The following PTPRZ1 variants were observed in gnomAD, a reference collection of about 807,000 sequenced individuals.
The protein encoded by PTPRZ1 is protein tyrosine phosphatase receptor type Z1, also known as receptor-type tyrosine-protein phosphatase zeta.
In PTPRZ1, 82 loss-of-function variants were observed where a neutral mutation model predicts 214.1. That is an observed-to-expected ratio of 0.38 (90% CI 0.32 to 0.46). PTPRZ1 has a LOEUF of 0.46. PTPRZ1 is among the 20% of genes least tolerant of loss of function. The pLI is 1.00. For missense variants in PTPRZ1, 2,603 were observed against 2,748.7 expected (o/e 0.95, Z 1.19); for synonymous variants, 945 against 987.9 (o/e 0.96, Z 0.81).
intron 3 of PTPRZ1, among the ~76,000 whole-genome samples, chr7:121,971,837 T>G (rs1797260389): frequency 6.6e-6 from 1 of 152,318 alleles, no homozygotes; most frequent in Non-Finnish European, 1.5e-5. Context: ...ACAGAGACTA[T>G]TTAAACTTTA....
intron 10 of PTPRZ1, among the ~76,000 whole-genome samples, chr7:121,999,186 G>A (rs1417539113): frequency 1.3e-5 from 2 of 152,060 alleles, no homozygotes; most frequent in Non-Finnish European, 2.9e-5. Flanking sequence ...CTACCATGAT[G>A]GCAATATCAT....
intron 1 of PTPRZ1, among the ~76,000 whole-genome samples, chr7:121,882,049 T>C (rs918590601): frequency 1.3e-5 from 2 of 152,222 alleles, no homozygotes; most frequent in African/African-American, 4.8e-5. Flanking sequence ...GGCTATTTCT[T>C]TTTACTGTAT....
intron 10 of PTPRZ1, among the ~76,000 whole-genome samples, chr7:122,000,930 C>A (rs1798305064): frequency 6.6e-6 from 1 of 151,614 alleles, no homozygotes; most frequent in African/African-American, 2.4e-5. Context: ...GTGATCCACC[C>A]ACCTCAGCCT....
chr7:122,018,870 C>T (rs1196226223), intron 12 of PTPRZ1, among the ~76,000 whole-genome samples: 1 of 152,072 alleles, frequency 6.6e-6, no homozygotes, highest in African/African-American at 2.4e-5. Context: ...ATTATGCTTA[C>T]CTGTTGCCAA....
At chr7:121,980,851 A>G (rs949362605) in intron 6 of PTPRZ1, among the ~76,000 whole-genome samples, 7 of 152,262 alleles carry the variant, frequency 4.6e-5, no homozygotes, top group Non-Finnish European at 1.0e-4. Flanking sequence ...AGTGTGGTTA[A>G]GAAAGACTAG....
At chr7:121,946,898 CTG>C (rs1319262259) in intron 2 of PTPRZ1, among the ~76,000 whole-genome samples, 1 of 152,154 alleles carries the variant, frequency 6.6e-6, no homozygotes, top group Non-Finnish European at 1.5e-5. Context: ...TATAAAATAA[CTG>C]TAGTCTTCAA....
intron 8 of PTPRZ1, among the ~76,000 whole-genome samples, chr7:121,985,097 A>G (rs974312273): frequency 1.3e-5 from 2 of 152,202 alleles, no homozygotes; most frequent in Non-Finnish European, 1.5e-5. Flanking sequence ...GATATTTCCA[A>G]GAATCGTTTA....
rs141052515 is a variant in PTPRZ1 at position 122,001,831 on chromosome 7, G to A, written c.1241-2783G>A. Among the ~76,000 whole-genome samples, 1,088 of 152,184 alleles carry A rather than the reference G, an allele frequency of 7.1e-3. 16 individuals carry two copies. Among genetic ancestry groups the A allele is most frequent in the African/African-American group, 0.025 (1,022 of 41,520 alleles). On this transcript the variant is annotated intron_variant, in intron 10 of 29. Transcript: ENST00000393386. The stretch of plus-strand genomic sequence containing the variant: ...TATTACAAAAATGTGAATTCTAAGT[G>A]TTCACTCAAAACAAAAAATACTGAT...
intron 1 of PTPRZ1, chr7:121,908,359 CTTTG>C: frequency 4.3e-6 from 1 of 230,654 alleles, no homozygotes; most frequent in Non-Finnish European, 8.7e-6. Flanking sequence ...AGATCAATCC[CTTTG>C]GAAAAGAATA....
At chr7:122,018,587 TA>T (rs1344545666) in intron 12 of PTPRZ1, among the ~76,000 whole-genome samples, 2 of 152,090 alleles carry the variant, frequency 1.3e-5, no homozygotes, top group Non-Finnish European at 2.9e-5. Context: ...AATCTATATT[TA>T]AAATTGAAAT....
At chr7:121,969,549 G>T (rs1276534795) in intron 3 of PTPRZ1, among the ~76,000 whole-genome samples, 2 of 112,344 alleles carry the variant, frequency 1.8e-5, no homozygotes, top group Non-Finnish European at 3.6e-5. Flanking sequence ...CAACAAGAGC[G>T]AAACTCTGTC....
intron 2 of PTPRZ1, among the ~76,000 whole-genome samples, chr7:121,948,655 C>T (rs531688244): frequency 6.6e-6 from 1 of 151,884 alleles, no homozygotes; most frequent in Non-Finnish European, 1.5e-5. Context: ...AAAGTGGCTG[C>T]TTATGGAAGA....
intron 2 of PTPRZ1, among the ~76,000 whole-genome samples, chr7:121,940,910 A>G (rs1796222356): frequency 6.6e-6 from 1 of 151,888 alleles, no homozygotes; most frequent in Admixed American, 6.6e-5. Flanking sequence ...GCCTGCTGCT[A>G]TACCAGCCTT....
intron 29 of PTPRZ1, among the ~76,000 whole-genome samples, 164 bp from the exon 30 acceptor site, chr7:122,060,916 A>G (rs937502961): frequency 6.6e-6 from 1 of 152,208 alleles, no homozygotes; most frequent in African/African-American, 2.4e-5. Context: ...TAATCAGAAG[A>G]GACATCAGTA....
intron 8 of PTPRZ1, among the ~76,000 whole-genome samples, chr7:121,987,519 C>T (rs1419324314): frequency 6.6e-6 from 1 of 152,146 alleles, no homozygotes; most frequent in East Asian, 1.9e-4. Context: ...ATTTATATTC[C>T]CACCAACAGT....
At chr7:121,967,222 A>C (rs1797072052) in intron 2 of PTPRZ1, among the ~76,000 whole-genome samples, 1 of 152,140 alleles carries the variant, frequency 6.6e-6, no homozygotes, top group South Asian at 2.1e-4. Context: ...AATTTAGTTT[A>C]TTTTAAGCAA....
intron 11 of PTPRZ1, among the ~76,000 whole-genome samples, chr7:122,006,749 C>G (rs940447259): frequency 6.6e-6 from 1 of 151,916 alleles, no homozygotes; most frequent in African/African-American, 2.4e-5. Context: ...TGCATCAGCC[C>G]AGGTCTCAAC....
chr7:121,962,758 G>A (rs1479470416), intron 2 of PTPRZ1, among the ~76,000 whole-genome samples: 1 of 151,732 alleles, frequency 6.6e-6, no homozygotes, highest in Non-Finnish European at 1.5e-5. Context: ...TAGAGATGGG[G>A]TTTCACCATA....
chr7:121,915,081 C>T (rs746037672), intron 1 of PTPRZ1, among the ~76,000 whole-genome samples: 1 of 152,054 alleles, frequency 6.6e-6, no homozygotes, highest in Non-Finnish European at 1.5e-5. Flanking sequence ...AGAGCACCGC[C>T]GTATACTGCA....
Sources: gnomAD v4.1 joint callset for allele counts (sites outside exome capture counted in the v4.1 genomes callset) on GRCh38, gnomAD v4.1.1 for gene constraint, MANE v1.5 for transcripts, NCBI Gene and HGNC (gene_info 2026-07-23, HGNC 2026-07-21) for gene names.